Variants in KCNQ1 observed in about 807,000 individuals in gnomAD.
The protein encoded by KCNQ1 is potassium voltage-gated channel subfamily Q member 1.
A neutral mutation model predicts 72.4 loss-of-function variants in KCNQ1; 49 were observed. The ratio of observed to expected loss-of-function variants is 0.68; its 90% CI spans 0.54 to 0.86. The LOEUF (loss-of-function observed/expected upper bound fraction) is 0.86. Among genes scored for constraint, KCNQ1 ranks in the 40% least tolerant of loss-of-function variants. The pLI, the probability that KCNQ1 is intolerant of heterozygous loss-of-function variation, is 0.00. For missense variants in KCNQ1, 790 were observed against 945.1 expected (o/e 0.84, Z 2.15); for synonymous variants, 450 against 412.6 (o/e 1.09, Z -1.10).
chr11:2,625,736 A>AT (rs1184655235), intron 10 of KCNQ1: 1 of 397,310 alleles, frequency 2.5e-6, no homozygotes, highest in South Asian at 1.4e-4. Context: ...CGCCTGGCTA[A>AT]TTTTTTGTAT....
chr11:2,683,960 CTTTT>C lies in KCNQ1; in HGVS notation c.1514+21890_1514+21893del. The C allele has an allele frequency of 2.6e-6, 1 of 386,906 alleles. No homozygotes were observed. The highest frequency in any genetic ancestry group is 4.6e-5 in the Admixed American group (1 of 21,836). The allele number at this position is 386,906 out of a possible 1,614,324, so 24.0% of individuals were successfully genotyped here. On this transcript the variant is annotated intron_variant, in intron 11 of 15. Transcript: ENST00000155840. The surrounding 1 kb of genome is among the most constrained non-coding windows in gnomAD (Gnocchi z 4.7). ...AGACAAAACCAGCTGACTGCTTTTA[CTTTT>C]TTTTTTTTTTCATTTAGAAGAATTT...
Position 2,541,365 on chromosome 11 carries a change from C to G in KCNQ1, c.477+13347C>G, listed in dbSNP as rs556967735. On this transcript the variant is annotated intron_variant, in intron 2 of 15. Coordinates refer to ENST00000155840, the MANE Select transcript of KCNQ1 (RefSeq NM_000218.3). The surrounding 1 kb of genome is among the most constrained non-coding windows in gnomAD (Gnocchi z 4.8). ...GGGAACCTGGGGGAAGGGCGGGCGT[C>G]TTTATTTCATTTTAGCTTTCTTTAG... is the stretch of plus-strand genomic sequence containing the variant. Among the ~76,000 whole-genome samples, 14 of 152,314 alleles carry G rather than the reference C, an allele frequency of 9.2e-5. No homozygotes were observed. Among genetic ancestry groups the G allele is most frequent in the African/African-American group, 3.1e-4 (13 of 41,566 alleles).
At chr11:2,717,710 C>T (rs764350686) in intron 11 of KCNQ1, among the ~76,000 whole-genome samples, 8 of 152,184 alleles carry the variant, frequency 5.3e-5, no homozygotes, top group African/African-American at 1.2e-4. Flanking sequence ...AGAGCAGAAA[C>T]GGAAAGACAG....
Position 2,746,649 on chromosome 11 carries a change from G to A in KCNQ1, c.1515-22195G>A, listed in dbSNP as rs971192398. Among the ~76,000 whole-genome samples the A allele has an allele frequency of 1.3e-5, 2 of 152,206 alleles. No homozygotes were observed. The highest frequency in any genetic ancestry group is 2.1e-4 in the South Asian group (1 of 4,830). On this transcript the variant is annotated intron_variant, in intron 11 of 15. Transcript: ENST00000155840. This position sits in a 1 kb window ranked among gnomAD's most constrained non-coding sequence, Gnocchi z 5.9. ...GAGGAGGGAGAGCACAGAGGGAAATGCCCTTCTCATCGCCCTGTTCCGAGG... is the reference window on the plus strand; with the variant it reads ...GAGGAGGGAGAGCACAGAGGGAAATACCCTTCTCATCGCCCTGTTCCGAGG...
intron 15 of KCNQ1, among the ~76,000 whole-genome samples, chr11:2,837,870 G>A (rs760726870): frequency 1.3e-5 from 2 of 152,174 alleles, no homozygotes; most frequent in Admixed American, 6.5e-5. Context: ...ACCCTCAGCC[G>A]AGGCTGGTAT....
rs892269542 is a variant in KCNQ1, at chr11:2,515,423, G to A, written c.387-12505G>A. 2.3e-4 allele frequency among the ~76,000 whole-genome samples: 32 copies of A among 139,780 alleles called. No homozygotes were observed. Among genetic ancestry groups the A allele is most frequent in the Admixed American group, 3.5e-4 (5 of 14,306 alleles). The allele number at this position is 139,780 out of a possible 152,430, so 91.7% of individuals were successfully genotyped here. A position where few individuals can be genotyped will look rare whatever the true frequency, so the allele number is the denominator to read the frequency against. On this transcript the variant is annotated intron_variant, in intron 1 of 15. Coordinates refer to ENST00000155840, the MANE Select transcript of KCNQ1 (RefSeq NM_000218.3). This position sits in a 1 kb window ranked among gnomAD's most constrained non-coding sequence, Gnocchi z 4.7. ...AGGGCGGAGCCCCTGGCCCAGGGGC[G>A]GGGAGGCCTGTCCACCCCTCCCACC... is the stretch of plus-strand genomic sequence containing the variant.
At position 2,494,452 on chromosome 11, in the gene KCNQ1, T is replaced by C. The variant is rs757329022; in HGVS notation, c.387-33476T>C. On this transcript the variant is annotated intron_variant, in intron 1 of 15. Transcript: ENST00000155840. This position sits in a 1 kb window ranked among gnomAD's most constrained non-coding sequence, Gnocchi z 4.6. Reference sequence around the variant, plus strand: ...TTTTCAAAGTGAATGCTTCCAGCTTTTGCCCGTTCAGTATGATATTGCCTG... The same window carrying C: ...TTTTCAAAGTGAATGCTTCCAGCTTCTGCCCGTTCAGTATGATATTGCCTG... Among the ~76,000 whole-genome samples the C allele has an allele frequency of 1.3e-5, 2 of 152,202 alleles. No individual in the cohort carries two copies. Among genetic ancestry groups the C allele is most frequent in the Non-Finnish European group, 2.9e-5 (2 of 68,038 alleles).
intron 1 of KCNQ1, among the ~76,000 whole-genome samples, chr11:2,513,610 G>A (rs1847243806): frequency 6.6e-6 from 1 of 152,212 alleles, no homozygotes; most frequent in Non-Finnish European, 1.5e-5. Flanking sequence ...GGGAGAGACA[G>A]CCACCCGCCT....
rs1415882960 is a variant in KCNQ1, at chr11:2,710,353, A to G, written c.1514+48272A>G. ...TTTTTATTATTTAGTAGAGTTCTTTATAGTCTAGATATAAGTTTTTTATAT... is the reference window on the plus strand; with the variant it reads ...TTTTTATTATTTAGTAGAGTTCTTTGTAGTCTAGATATAAGTTTTTTATAT... On this transcript the variant is annotated intron_variant, in intron 11 of 15. Transcript: ENST00000155840. The surrounding 1 kb of genome is among the most constrained non-coding windows in gnomAD (Gnocchi z 4.1). 1.3e-5 allele frequency among the ~76,000 whole-genome samples: 2 copies of G among 152,176 alleles called. No homozygotes were observed. The highest frequency in any genetic ancestry group is 2.4e-5 in the African/African-American group (1 of 41,442).
intron 11 of KCNQ1, among the ~76,000 whole-genome samples, chr11:2,740,310 G>A (rs963291931): frequency 2.6e-5 from 4 of 152,196 alleles, no homozygotes; most frequent in South Asian, 2.1e-4. Context: ...GTGTATGTTC[G>A]ACAACTGCCT....
At position 2,563,393 on chromosome 11, in the gene KCNQ1, G is replaced by GC. The variant is rs1589952739; in HGVS notation, c.478-7232dup. Among the ~76,000 whole-genome samples, 1 of 152,170 alleles carries GC rather than the reference G, an allele frequency of 6.6e-6. No individual in the cohort carries two copies. The highest frequency in any genetic ancestry group is 2.4e-5 in the African/African-American group (1 of 41,420). On this transcript the variant is annotated intron_variant, in intron 2 of 15. Coordinates refer to ENST00000155840, the MANE Select transcript of KCNQ1 (RefSeq NM_000218.3). This position sits in a 1 kb window ranked among gnomAD's most constrained non-coding sequence, Gnocchi z 7.4. ...CACCTGCTTTGCTAGACCCTTGCTGGCCCTCCGGCTTCGGGCAGGTCTCCT... is the reference window on the plus strand; with the variant it reads ...CACCTGCTTTGCTAGACCCTTGCTGGCCCCTCCGGCTTCGGGCAGGTCTCCT...
In KCNQ1 at chr11:2,612,428, T is replaced by G. The variant is rs1848996724; in HGVS notation, c.1393+23574T>G. Reference sequence around the variant, plus strand: ...GTATCCAATGGGTATCTCTTCATTTTTCTTCATTATTTTTCTTTCTATTCT... The same window carrying G: ...GTATCCAATGGGTATCTCTTCATTTGTCTTCATTATTTTTCTTTCTATTCT... On this transcript the variant is annotated intron_variant, in intron 10 of 15. Coordinates refer to ENST00000155840, the MANE Select transcript of KCNQ1 (RefSeq NM_000218.3). The surrounding 1 kb of genome is among the most constrained non-coding windows in gnomAD (Gnocchi z 5.5). 5.0e-6 allele frequency: 2 copies of G among 398,520 alleles called. No individual in the cohort carries two copies. The highest frequency in any genetic ancestry group is 8.8e-6 in the Non-Finnish European group (2 of 226,076). 24.7% of individuals were successfully genotyped at this position (398,520 alleles called of 1,614,324 possible). A position where few individuals can be genotyped will look rare whatever the true frequency, so the allele number is the denominator to read the frequency against.
chr11:2,663,276 A>T lies in KCNQ1; in HGVS notation c.1514+1195A>T. On this transcript the variant is annotated intron_variant, in intron 11 of 15. Coordinates refer to ENST00000155840, the MANE Select transcript of KCNQ1 (RefSeq NM_000218.3). The surrounding 1 kb of genome is among the most constrained non-coding windows in gnomAD (Gnocchi z 5.2). The stretch of plus-strand genomic sequence containing the variant: ...GTGACTAGTCATGGACACCCTGAGA[A>T]TAGGGCTCTGAGCTTCTGGGCCCCT... 2.5e-6 allele frequency: 1 copy of T among 398,698 alleles called. No homozygotes were observed. 24.7% of individuals were successfully genotyped at this position (398,698 alleles called of 1,614,324 possible).
intron 10 of KCNQ1, chr11:2,660,954 G>T: frequency 2.5e-6 from 1 of 398,638 alleles, no homozygotes; most frequent in Non-Finnish European, 4.4e-6. Context: ...ATGGTTAGCT[G>T]TGGCCAATCT....
At chr11:2,558,325 G>A (rs1262178340) in intron 2 of KCNQ1, among the ~76,000 whole-genome samples, 1 of 152,260 alleles carries the variant, frequency 6.6e-6, no homozygotes, top group Non-Finnish European at 1.5e-5. Flanking sequence ...TGAAGTATGT[G>A]CCTTGCACAC....
At chr11:2,581,852 C>G (rs1461424470) in intron 6 of KCNQ1, among the ~76,000 whole-genome samples, 4 of 152,218 alleles carry the variant, frequency 2.6e-5, no homozygotes, top group Admixed American at 1.3e-4. Context: ...AAACAGCTTC[C>G]TGTGCACATT....
intron 6 of KCNQ1, 64 bp from the exon 7 acceptor site, chr11:2,583,371 A>T: frequency 8.9e-7 from 1 of 1,121,670 alleles, no homozygotes; most frequent in Non-Finnish European, 1.4e-6. Context: ...GGTTTGGGTT[A>T]GGCAGTTGGC....
chr11:2,584,405 TTG>T (rs1160717676), intron 7 of KCNQ1, among the ~76,000 whole-genome samples: 5 of 148,602 alleles, frequency 3.4e-5, no homozygotes, highest in Non-Finnish European at 7.4e-5. Flanking sequence ...GGGTTTGTGT[TTG>T]TGTTTCTGTG....
rs546210954 is a variant in KCNQ1, at chr11:2,453,229, C to T, written c.386+7745C>T. On this transcript the variant is annotated intron_variant, in intron 1 of 15. Transcript: ENST00000155840. ...TCTCTACTAAAAATACAGAATTAGC[C>T]GGGCGTGGTGGTGCATGCCTGTAAT... is the stretch of plus-strand genomic sequence containing the variant. Among the ~76,000 whole-genome samples, 13 of 152,182 alleles carry T rather than the reference C, an allele frequency of 8.5e-5. No individual in the cohort carries two copies. The East Asian group carries it at 1.4e-3, about 16-fold the overall frequency.
Sources: gnomAD v4.1 joint callset for allele counts (sites outside exome capture counted in the v4.1 genomes callset) on GRCh38, gnomAD v4.1.1 for gene constraint, Gnocchi (gnomAD v3.1) non-coding constraint, MANE v1.5 for transcripts, NCBI Gene and HGNC (gene_info 2026-07-23, HGNC 2026-07-21) for gene names.